TNRC6A: variants seen among roughly 807,000 people sequenced by gnomAD.
TNRC6A encodes trinucleotide repeat containing adaptor 6A, also known as trinucleotide repeat-containing gene 6A protein.
TNRC6A carries 44 observed loss-of-function variants against 221.2 expected under a neutral mutation model. That is an observed-to-expected ratio of 0.20 (90% CI 0.16 to 0.26). The LOEUF (loss-of-function observed/expected upper bound fraction) is 0.26. Among genes scored for constraint, TNRC6A ranks in the 10% least tolerant of loss-of-function variants. TNRC6A has a pLI of 1.00. For missense variants in TNRC6A, 2,199 were observed against 2,404.4 expected (o/e 0.91, Z 1.79); for synonymous variants, 847 against 838.5 (o/e 1.01, Z -0.18).
chr16:24,610,977 A>AT (rs1243676626), intron 1 of TNRC6A, among the ~76,000 whole-genome samples: 3 of 151,688 alleles, frequency 2.0e-5, no homozygotes, highest in South Asian at 2.1e-4. Context: ...CACCCGTCTA[A>AT]TTTTTTTGTA....
At chr16:24,793,987 G>A (rs1241796470) in intron 7 of TNRC6A, among the ~76,000 whole-genome samples, 2 of 152,134 alleles carry the variant, frequency 1.3e-5, no homozygotes, top group Non-Finnish European at 2.9e-5. Context: ...TAGCCATGAG[G>A]ACACATATTC....
chr16:24,702,107 CTTTTTTT>C (rs201421601), intron 2 of TNRC6A, among the ~76,000 whole-genome samples: 14 of 50,248 alleles, frequency 2.8e-4, no homozygotes, highest in Admixed American at 1.1e-3. Flanking sequence ...TTTCTTTTTT[CTTTTTTT>C]TTTTTTTTTT....
At chr16:24,664,489 TATA>T (rs1194533134) in intron 2 of TNRC6A, among the ~76,000 whole-genome samples, 2 of 143,616 alleles carry the variant, frequency 1.4e-5, no homozygotes, top group Admixed American at 1.4e-4. Context: ...TAAATATAAA[TATA>T]ATAAAAATAA....
chr16:24,781,376 T>C lies in TNRC6A; in HGVS notation c.589+4018T>C, dbSNP rs2057842344. On this transcript the variant is annotated intron_variant, in intron 5 of 24. Transcript: ENST00000395799. Reference sequence around the variant, plus strand: ...ACCCGGCAAAATTCCCATACTCTTTTGAGGCTATTACAGAATTTCTCCCTC... The same window carrying C: ...ACCCGGCAAAATTCCCATACTCTTTCGAGGCTATTACAGAATTTCTCCCTC... 1.3e-5 allele frequency among the ~76,000 whole-genome samples: 2 copies of C among 152,102 alleles called. 1 individual carries two copies. Among genetic ancestry groups the C allele is most frequent in the African/African-American group, 4.8e-5 (2 of 41,400 alleles).
chr16:24,644,104 T>TTTTTG (rs869181423), intron 2 of TNRC6A, among the ~76,000 whole-genome samples: 33 of 146,268 alleles, frequency 2.3e-4, no homozygotes, highest in African/African-American at 7.6e-4. Flanking sequence ...TTTTTTTTTT[T>TTTTTG]GAGACAGAGT....
chr16:24,787,921 A>G (rs2058009465), intron 5 of TNRC6A, among the ~76,000 whole-genome samples: 2 of 152,184 alleles, frequency 1.3e-5, no homozygotes, highest in African/African-American at 4.8e-5. Flanking sequence ...ACTGCCTTGA[A>G]GATATATACT....
intron 1 of TNRC6A, among the ~76,000 whole-genome samples, chr16:24,622,321 C>T (rs1900716821): frequency 6.6e-6 from 1 of 152,110 alleles, no homozygotes; most frequent in East Asian, 1.9e-4. Flanking sequence ...GCAAAGAAGG[C>T]CAGGTGCTGT....
chr16:24,731,915 G>T (rs1403379259), intron 2 of TNRC6A, among the ~76,000 whole-genome samples: 1 of 152,246 alleles, frequency 6.6e-6, no homozygotes, highest in African/African-American at 2.4e-5. Context: ...GCTGAGGTCT[G>T]TTAGGCCCTT....
intron 2 of TNRC6A, among the ~76,000 whole-genome samples, chr16:24,707,945 A>T (rs1206525624): frequency 1.3e-5 from 2 of 152,076 alleles, no homozygotes; most frequent in East Asian, 3.9e-4. Flanking sequence ...TGTAATCTCA[A>T]CTGCTCAGAA....
At position 24,814,827 on chromosome 16, in the gene TNRC6A, A is replaced by G. The variant is rs554235012; in HGVS notation, c.4673-320A>G. ...CCACAATCCATTTTTAAACATTTCTATTGCCTGAAAAGAACCCCTGAGCTA... is the reference window on the plus strand; with the variant it reads ...CCACAATCCATTTTTAAACATTTCTGTTGCCTGAAAAGAACCCCTGAGCTA... On this transcript the variant is annotated intron_variant, in intron 18 of 24. Coordinates refer to ENST00000395799, the MANE Select transcript of TNRC6A (RefSeq NM_014494.4). Among the ~76,000 whole-genome samples the G allele has an allele frequency of 4.6e-5, 7 of 152,230 alleles. No homozygotes were observed. The South Asian group carries it at 1.0e-3, about 23-fold the overall frequency.
At position 24,730,419 on chromosome 16, in the gene TNRC6A, A is replaced by G. The variant is rs1043858188; in HGVS notation, c.53+119A>G. 4.2e-5 allele frequency: 51 copies of G among 1,225,256 alleles called. No homozygotes were observed. The African/African-American group carries it at 7.5e-4, about 18-fold the overall frequency. 75.9% of individuals were successfully genotyped at this position (1,225,256 alleles called of 1,614,324 possible). ...ATTTTCTTCCGCACCCGGAGAGCAG[A>G]CATTCGGGAGAAGCGGCCTGGGGGA... On this transcript the variant is annotated intron_variant, in intron 2 of 24. Coordinates refer to ENST00000395799, the MANE Select transcript of TNRC6A (RefSeq NM_014494.4).
Position 24,823,370 on chromosome 16 carries a change from T to A in TNRC6A, c.5514-62T>A. On this transcript the variant is annotated intron_variant, in intron 24 of 24. Transcript: ENST00000395799. The surrounding 1 kb of genome is among the most constrained non-coding windows in gnomAD (Gnocchi z 4.3). ...CAGAGACAAGTTGCACCCTCACTTG[T>A]GAGTGAATGAAGCCCTCCTGGTGTG... 3.9e-6 allele frequency: 6 copies of A among 1,536,454 alleles called. No individual in the cohort carries two copies. In the South Asian group the frequency reaches 7.6e-5, roughly 20 times the overall value.
At chr16:24,805,780 A>G (rs776351960) in intron 15 of TNRC6A, 47 bp downstream of exon 15, 2 of 1,612,204 alleles carry the variant, frequency 1.2e-6, no homozygotes, top group Non-Finnish European at 8.5e-7. Flanking sequence ...TGGAGCATCT[A>G]CTGTATGCCA....
chr16:24,642,199 A>G (rs12929483), intron 2 of TNRC6A, among the ~76,000 whole-genome samples: 7,475 of 152,248 alleles, frequency 0.049, 283 homozygotes, highest in African/African-American at 0.11. Context: ...AGGCGGTGTG[A>G]GGAGGCTCAG....
chr16:24,807,128 C>A (rs1422419008), intron 17 of TNRC6A, among the ~76,000 whole-genome samples: 1 of 151,966 alleles, frequency 6.6e-6, no homozygotes, highest in African/African-American at 2.4e-5. Context: ...ACCTCAGCTT[C>A]CCGAGTAGCT....
chr16:24,778,581 T>A, intron 5 of TNRC6A: 5 of 774,986 alleles, frequency 6.5e-6, no homozygotes, highest in Non-Finnish European at 7.8e-6. Flanking sequence ...TGTGTGAGCT[T>A]GGCCATAACA....
intron 2 of TNRC6A, among the ~76,000 whole-genome samples, chr16:24,643,690 T>G (rs986834461): frequency 3.9e-5 from 6 of 152,180 alleles, no homozygotes; most frequent in African/African-American, 1.4e-4. Context: ...TATCTGATTC[T>G]GTACTGTCCC....
At chr16:24,776,566 C>T (rs1311811313) in intron 4 of TNRC6A, 1 of 985,332 alleles carries the variant, frequency 1.0e-6, no homozygotes, top group East Asian at 1.1e-4. Flanking sequence ...TCCCTTAGGA[C>T]TACTGAAAAT....
intron 2 of TNRC6A, among the ~76,000 whole-genome samples, chr16:24,713,440 AC>A (rs1378262911): frequency 8.1e-4 from 105 of 129,064 alleles, no homozygotes; most frequent in South Asian, 5.8e-3. Context: ...AAACAAACAA[AC>A]AAACAAACAA....
Sources: allele counts gnomAD v4.1 joint callset (sites outside exome capture counted in the v4.1 genomes callset), GRCh38; gene constraint gnomAD v4.1.1; non-coding constraint Gnocchi (gnomAD v3.1); transcripts MANE v1.5; gene names NCBI Gene and HGNC (gene_info 2026-07-23, HGNC 2026-07-21).